POLR3B: variants seen among roughly 807,000 people sequenced by gnomAD.
POLR3B encodes DNA-directed RNA polymerase III subunit RPC2.
Under a neutral mutation model 147.4 loss-of-function variants are expected in POLR3B, and 96 were observed. That is an observed-to-expected ratio of 0.65 (90% CI 0.55 to 0.77). POLR3B has a LOEUF of 0.77. POLR3B is among the 30% of genes least tolerant of loss of function. POLR3B has a pLI of 0.00. For missense variants in POLR3B, 1,036 were observed against 1,413.5 expected (o/e 0.73, Z 4.28); for synonymous variants, 461 against 485.9 (o/e 0.95, Z 0.67).
In POLR3B at chr12:106,357,770, G is replaced by C; in HGVS notation, c.-110G>C. Reference sequence around the variant, plus strand: ...CGCGTCTCTAGCTAACACGCACGGCGGGGACAGTTTAGGCCTCCGCGCACC... The same window carrying C: ...CGCGTCTCTAGCTAACACGCACGGCCGGGACAGTTTAGGCCTCCGCGCACC... On this transcript the variant is annotated 5_prime_UTR_variant, in exon 1 of 28. Transcript: ENST00000228347. 1.9e-6 allele frequency: 2 copies of C among 1,074,530 alleles called. No individual in the cohort carries two copies. Among genetic ancestry groups the C allele is most frequent in the Non-Finnish European group, 2.8e-6 (2 of 715,170 alleles). 66.6% of individuals were successfully genotyped at this position (1,074,530 alleles called of 1,614,324 possible).
In POLR3B at chr12:106,496,158, G is replaced by T; in HGVS notation, c.2817G>T (p.Thr939=). The change falls in exon 24 of 28, where the codon ACG becomes ACT. Residue 939 remains threonine, a splice_region_variant and synonymous_variant. Transcript: ENST00000228347. The part of the protein sequence containing the change: ...MNPHGFPSRM[T]VGKLIELLAG... ...CACACGGCTTCCCATCACGAATGAC[G>T]GTCAGTGACCTGTAGGTTTTTCAGA... 1.3e-6 allele frequency: 2 copies of T among 1,570,848 alleles called. No individual in the cohort carries two copies. Among genetic ancestry groups the T allele is most frequent in the Non-Finnish European group, 1.8e-6 (2 of 1,140,382 alleles).
At chr12:106,425,062 C>G (rs2037418674) in intron 12 of POLR3B, among the ~76,000 whole-genome samples, 1 of 152,126 alleles carries the variant, frequency 6.6e-6, no homozygotes, top group African/African-American at 2.4e-5. Flanking sequence ...CAAGTAAAGA[C>G]AGTTTTATTG....
intron 23 of POLR3B, among the ~76,000 whole-genome samples, chr12:106,480,690 T>G (rs762343333): frequency 1.1e-4 from 17 of 152,192 alleles, no homozygotes; most frequent in Non-Finnish European, 1.9e-4. Flanking sequence ...GACAATTTCT[T>G]ATATAGACAT....
rs565981989 is a variant in POLR3B, at chr12:106,432,181, C to T, written c.1465-137C>T. 72 of 738,366 alleles carry T rather than the reference C, an allele frequency of 9.8e-5. 2 individuals carry two copies. Among genetic ancestry groups the T allele is most frequent in the South Asian group, 9.1e-4 (61 of 67,322 alleles). The allele number at this position is 738,366 out of a possible 1,614,324, so 45.7% of individuals were successfully genotyped here. On this transcript the variant is annotated intron_variant, in intron 14 of 27. Transcript: ENST00000228347. ...TATATATTTTTTAAAGGCATTTGTG[C>T]GAATCACCACAGTATCCCCTACAAA...
chr12:106,506,302 C>T (rs951176094), intron 27 of POLR3B, among the ~76,000 whole-genome samples: 1 of 152,096 alleles, frequency 6.6e-6, no homozygotes, highest in Non-Finnish European at 1.5e-5. Flanking sequence ...TAATTTACTT[C>T]GAAAGGATGG....
chr12:106,427,677 T>G (rs2037456735), intron 13 of POLR3B, among the ~76,000 whole-genome samples: 1 of 152,208 alleles, frequency 6.6e-6, no homozygotes, highest in East Asian at 1.9e-4. Context: ...ATTGACGCAT[T>G]TCAGGCAGGT....
intron 10 of POLR3B, 126 bp from the exon 11 acceptor site, chr12:106,405,731 C>G: frequency 3.4e-6 from 3 of 879,854 alleles, no homozygotes; most frequent in Non-Finnish European, 5.6e-6. Flanking sequence ...TTCAACTAGA[C>G]CCAGTACAGC....
intron 12 of POLR3B, among the ~76,000 whole-genome samples, chr12:106,426,594 C>T (rs777632465): frequency 1.3e-5 from 2 of 152,078 alleles, no homozygotes; most frequent in Non-Finnish European, 1.5e-5. Flanking sequence ...GGATTACAGG[C>T]ATGAGCCACC....
At chr12:106,384,733 A>G (rs951464986) in intron 9 of POLR3B, among the ~76,000 whole-genome samples, 1 of 152,158 alleles carries the variant, frequency 6.6e-6, no homozygotes, top group Non-Finnish European at 1.5e-5. Flanking sequence ...CTTCTGGAGA[A>G]AATATGTGTT....
chr12:106,379,220 T>C (rs2136900786), intron 8 of POLR3B, among the ~76,000 whole-genome samples: 1 of 152,290 alleles, frequency 6.6e-6, no homozygotes. Flanking sequence ...CTGTAAGAGG[T>C]AGATAGCCTT....
intron 12 of POLR3B, among the ~76,000 whole-genome samples, chr12:106,422,213 G>A (rs2037382393): frequency 6.6e-6 from 1 of 152,100 alleles, no homozygotes; most frequent in African/African-American, 2.4e-5. Context: ...CATCCTCCTA[G>A]TGCCATTTTC....
chr12:106,360,807 T>C (rs181762005), intron 1 of POLR3B, among the ~76,000 whole-genome samples: 8 of 152,348 alleles, frequency 5.3e-5, no homozygotes, highest in Admixed American at 5.2e-4. Context: ...GTTCAAAAAA[T>C]GTGTTTTCTG....
intron 9 of POLR3B, among the ~76,000 whole-genome samples, chr12:106,380,945 CA>C (rs1396880290): frequency 6.6e-6 from 1 of 152,188 alleles, no homozygotes; most frequent in African/African-American, 2.4e-5. Context: ...GTTAGTTTCC[CA>C]GTGCATACAA....
Position 106,378,659 on chromosome 12 carries a change from A to T in POLR3B, c.614+275A>T, listed in dbSNP as rs114776719. ...GAGCATGAAAGGAGATTTAAAAAAA[A>T]AAAAATAAAACCACTCTTCAGTTTT... On this transcript the variant is annotated intron_variant, in intron 8 of 27. Coordinates refer to ENST00000228347, the MANE Select transcript of POLR3B (RefSeq NM_018082.6). Among the ~76,000 whole-genome samples the T allele has an allele frequency of 0.029, 4,340 of 152,234 alleles. 204 individuals are homozygous for T. Among genetic ancestry groups the T allele is most frequent in the African/African-American group, 0.095 (3,932 of 41,530 alleles).
At chr12:106,465,855 T>C (rs897565440) in intron 23 of POLR3B, among the ~76,000 whole-genome samples, 1 of 152,224 alleles carries the variant, frequency 6.6e-6, no homozygotes, top group African/African-American at 2.4e-5. Flanking sequence ...CTTAACCCAG[T>C]CTATCATTGA....
At chr12:106,497,059 T>A in intron 25 of POLR3B, 141 bp downstream of exon 25, 1 of 768,740 alleles carries the variant, frequency 1.3e-6, no homozygotes, top group Admixed American at 2.0e-5. Context: ...CCAGGACGGC[T>A]TCGAATGCGG....
intron 23 of POLR3B, among the ~76,000 whole-genome samples, chr12:106,493,206 C>T (rs560157593): frequency 4.5e-4 from 69 of 152,112 alleles, no homozygotes; most frequent in Non-Finnish European, 9.0e-4. Flanking sequence ...CACATTGAAG[C>T]GCACCGCATA....
At chr12:106,371,585 T>C (rs1412905071) in intron 6 of POLR3B, among the ~76,000 whole-genome samples, 1 of 149,860 alleles carries the variant, frequency 6.7e-6, no homozygotes, top group East Asian at 2.1e-4. Context: ...GTGGCACATA[T>C]ACACCATGGA....
At chr12:106,434,649 G>A (rs1041764629) in intron 16 of POLR3B, among the ~76,000 whole-genome samples, 2 of 151,968 alleles carry the variant, frequency 1.3e-5, no homozygotes, top group East Asian at 3.9e-4. Flanking sequence ...ATTGCCTTGT[G>A]TCACAAGCCT....
Sources: allele counts gnomAD v4.1 joint callset (sites outside exome capture counted in the v4.1 genomes callset), GRCh38; gene constraint gnomAD v4.1.1; transcripts MANE v1.5; gene names NCBI Gene and HGNC (gene_info 2026-07-23, HGNC 2026-07-21).